Variants in PTPRR observed in about 807,000 individuals in gnomAD.
PTPRR encodes the protein protein tyrosine phosphatase receptor type R, also known as receptor-type tyrosine-protein phosphatase R.
A neutral mutation model predicts 77.2 loss-of-function variants in PTPRR; 38 were observed. That is an observed-to-expected ratio of 0.49 (90% CI 0.38 to 0.65). The LOEUF (loss-of-function observed/expected upper bound fraction) is 0.65, where lower values mean the gene tolerates loss of function less well. PTPRR is among the 30% of genes least tolerant of loss of function. The pLI is 0.00. For synonymous variants in PTPRR, 299 were observed against 283.1 expected (o/e 1.06, Z -0.57); for missense variants, 744 against 799.2 (o/e 0.93, Z 0.83).
intron 6 of PTPRR, among the ~76,000 whole-genome samples, chr12:70,726,658 G>A (rs1889449687): frequency 1.3e-5 from 2 of 150,430 alleles, no homozygotes; most frequent in East Asian, 2.0e-4. Flanking sequence ...ATAGCTCACT[G>A]CAACCTCCAC....
chr12:70,660,572 C>T, intron 12 of PTPRR, among the ~76,000 whole-genome samples: 1 of 152,102 alleles, frequency 6.6e-6, no homozygotes, highest in East Asian at 1.9e-4. Context: ...AACAAAAAAG[C>T]CACTGATAAT....
At chr12:70,851,013 G>C (rs865971976) in intron 2 of PTPRR, among the ~76,000 whole-genome samples, 1 of 151,202 alleles carries the variant, frequency 6.6e-6, no homozygotes, top group African/African-American at 2.4e-5. Context: ...ACATTTGTTG[G>C]GTATTCATTA....
At chr12:70,690,262 T>C (rs553141635) in intron 8 of PTPRR, among the ~76,000 whole-genome samples, 17 of 152,336 alleles carry the variant, frequency 1.1e-4, no homozygotes, top group African/African-American at 3.8e-4. Flanking sequence ...ATTTGGGTTG[T>C]GGTTAATAGT....
chr12:70,878,335 T>A (rs2137100532), intron 2 of PTPRR, among the ~76,000 whole-genome samples: 1 of 152,190 alleles, frequency 6.6e-6, no homozygotes, highest in South Asian at 2.1e-4. Flanking sequence ...GGGAGAAAAC[T>A]TTTGCAAGCT....
chr12:70,822,193 A>G lies in PTPRR; in HGVS notation c.358-57415T>C, dbSNP rs577830755. Among the ~76,000 whole-genome samples the G allele has an allele frequency of 2.6e-5, 4 of 152,358 alleles. No homozygotes were observed. The East Asian group carries it at 7.7e-4, about 29-fold the overall frequency. On this transcript the variant is annotated intron_variant, in intron 2 of 13. Coordinates refer to ENST00000283228, the MANE Select transcript of PTPRR (RefSeq NM_002849.4). ...TGAACATATGACACTTTAACCTAAC[A>G]TGGAGAACAGAGAACACAGAAAGTG...
chr12:70,881,711 A>C (rs1565729034), intron 2 of PTPRR, among the ~76,000 whole-genome samples: 1 of 152,194 alleles, frequency 6.6e-6, no homozygotes. Context: ...TCCTTCAAAA[A>C]CAAAATTTAG....
intron 4 of PTPRR, 45 bp from the exon 5 acceptor site, chr12:70,754,346 G>T: frequency 6.2e-7 from 1 of 1,608,086 alleles, no homozygotes; most frequent in South Asian, 1.1e-5. Flanking sequence ...GAGAGCTTGA[G>T]AAAACTGGCG....
intron 8 of PTPRR, among the ~76,000 whole-genome samples, chr12:70,689,539 C>T (rs1487007724): frequency 1.3e-5 from 2 of 152,152 alleles, no homozygotes; most frequent in Non-Finnish European, 2.9e-5. Flanking sequence ...TGAATTTTAA[C>T]ATTGAGAGTG....
chr12:70,837,443 C>T (rs2467002), intron 2 of PTPRR, among the ~76,000 whole-genome samples: 100,369 of 152,006 alleles, frequency 0.66, 33,977 homozygotes, highest in African/African-American at 0.81. Flanking sequence ...TTTCTTCTAC[C>T]ACATTCTTAC....
intron 2 of PTPRR, among the ~76,000 whole-genome samples, chr12:70,820,571 G>A (rs768080904): frequency 6.6e-6 from 1 of 152,216 alleles, no homozygotes; most frequent in Non-Finnish European, 1.5e-5. Flanking sequence ...CTGAGCTCGT[G>A]ATCTGCACAT....
intron 13 of PTPRR, among the ~76,000 whole-genome samples, chr12:70,642,492 G>C (rs1427238870): frequency 6.6e-6 from 1 of 152,054 alleles, no homozygotes; most frequent in Non-Finnish European, 1.5e-5. Context: ...TTAAAAAATA[G>C]AAAAAGAGAC....
At chr12:70,756,241 AG>A (rs1354273556) in intron 4 of PTPRR, among the ~76,000 whole-genome samples, 1 of 152,110 alleles carries the variant, frequency 6.6e-6, no homozygotes, top group Non-Finnish European at 1.5e-5. Context: ...TAATGATGAA[AG>A]AATTAACTCC....
chr12:70,733,427 CAAA>C (rs764791536), intron 6 of PTPRR, among the ~76,000 whole-genome samples: 3 of 27,056 alleles, frequency 1.1e-4, no homozygotes, highest in African/African-American at 2.3e-4. Flanking sequence ...CAAACAACAA[CAAA>C]AAAAAAAAAA....
intron 2 of PTPRR, among the ~76,000 whole-genome samples, chr12:70,808,402 G>T (rs546343771): frequency 5.9e-5 from 9 of 152,078 alleles, no homozygotes; most frequent in African/African-American, 2.2e-4. Context: ...CACCCTATTT[G>T]TACACTCCCT....
chr12:70,767,820 G>A (rs934461741), intron 2 of PTPRR, among the ~76,000 whole-genome samples: 12 of 152,194 alleles, frequency 7.9e-5, no homozygotes, highest in Admixed American at 2.0e-4. Context: ...TTGTCTCTCA[G>A]ACCACAGTGC....
intron 2 of PTPRR, among the ~76,000 whole-genome samples, chr12:70,767,966 T>C (rs1388258262): frequency 1.3e-5 from 2 of 151,712 alleles, no homozygotes; most frequent in African/African-American, 4.8e-5. Context: ...TTGAAACCAA[T>C]GAGAACAAAG....
intron 5 of PTPRR, among the ~76,000 whole-genome samples, chr12:70,746,516 A>G (rs58823928): frequency 0.019 from 2,861 of 152,232 alleles, 84 homozygotes; most frequent in African/African-American, 0.064. Context: ...GTATTAATAA[A>G]ATAATAGTTA....
chr12:70,728,605 A>C (rs1053432101), intron 6 of PTPRR, among the ~76,000 whole-genome samples: 1 of 144,612 alleles, frequency 6.9e-6, no homozygotes, highest in East Asian at 2.1e-4. Context: ...AAAATCTGAA[A>C]TTCTACAGTG....
chr12:70,666,935 G>GTTTTTTTTTTTT lies in PTPRR; in HGVS notation c.1498-4342_1498-4331dup, dbSNP rs142691396. On this transcript the variant is annotated intron_variant, in intron 10 of 13. Transcript: ENST00000283228. ...TTTTTGATTAACTGTGTGTTTTTCTGTTTTTTTTTTTTTTTTTTTTTTTTT... is the reference window on the plus strand; with the variant it reads ...TTTTTGATTAACTGTGTGTTTTTCTGTTTTTTTTTTTTTTTTTTTTTTTTTTTTTTTTTTTTT... Among the ~76,000 whole-genome samples, 74 of 29,052 alleles carry GTTTTTTTTTTTT rather than the reference G, an allele frequency of 2.5e-3. 23 individuals are homozygous for GTTTTTTTTTTTT. Among genetic ancestry groups the GTTTTTTTTTTTT allele is most frequent in the Non-Finnish European group, 5.6e-3 (61 of 10,906 alleles). 19.1% of individuals were successfully genotyped at this position (29,052 alleles called of 152,430 possible).
Sources: gnomAD v4.1 joint callset for allele counts (sites outside exome capture counted in the v4.1 genomes callset) on GRCh38, gnomAD v4.1.1 for gene constraint, MANE v1.5 for transcripts, NCBI Gene and HGNC (gene_info 2026-07-23, HGNC 2026-07-21) for gene names.